CNTNAP2: variants seen among roughly 807,000 people sequenced by gnomAD.
The protein encoded by CNTNAP2 is contactin-associated protein-like 2.
Under a neutral mutation model 155.2 loss-of-function variants are expected in CNTNAP2, and 98 were observed. The observed-to-expected ratio is 0.63, with a 90% confidence interval of 0.54 to 0.75. CNTNAP2 has a LOEUF of 0.75. Ranked by LOEUF, CNTNAP2 falls within the 30% of genes least tolerant of loss-of-function variation. CNTNAP2 has a pLI of 0.00. For synonymous variants in CNTNAP2, 651 were observed against 631.2 expected, an observed-to-expected ratio of 1.03 and a Z score of -0.47; for missense variants, 1,727 against 1,688.1, an observed-to-expected ratio of 1.02 and a Z score of -0.40.
chr7:148,183,200 G>A (rs760709004), intron 18 of CNTNAP2, among the ~76,000 whole-genome samples: 1 of 152,172 alleles, frequency 6.6e-6, no homozygotes, highest in Non-Finnish European at 1.5e-5. Context: ...AGGGAAACAA[G>A]CCAGAAGGCC....
At chr7:148,122,706 T>C (rs1184452622) in intron 16 of CNTNAP2, among the ~76,000 whole-genome samples, 1 of 151,914 alleles carries the variant, frequency 6.6e-6, no homozygotes, top group Non-Finnish European at 1.5e-5. Flanking sequence ...CAACCAGCCA[T>C]GGGAGCCTCT....
intron 1 of CNTNAP2, among the ~76,000 whole-genome samples, chr7:146,587,047 A>G (rs1012539203): frequency 1.3e-5 from 2 of 149,486 alleles, no homozygotes; most frequent in Non-Finnish European, 3.0e-5. Context: ...TTTTTTTTTT[A>G]ACAAACTCAT....
chr7:147,905,333 C>T (rs963634602), intron 14 of CNTNAP2, among the ~76,000 whole-genome samples: 1 of 152,146 alleles, frequency 6.6e-6, no homozygotes, highest in African/African-American at 2.4e-5. Flanking sequence ...CCCAGAGTGC[C>T]CTGCCACCAT....
chr7:146,988,088 G>A (rs1015737237), intron 3 of CNTNAP2, among the ~76,000 whole-genome samples: 8 of 152,060 alleles, frequency 5.3e-5, no homozygotes, highest in East Asian at 3.9e-4. Flanking sequence ...TAATATTTTA[G>A]CAAATGAGTA....
At chr7:148,331,607 ATGGACGGATGGAGTCGATGGATGGAG>A (rs1798015807) in intron 21 of CNTNAP2, among the ~76,000 whole-genome samples, 1 of 147,100 alleles carries the variant, frequency 6.8e-6, no homozygotes, top group African/African-American at 2.5e-5. Context: ...GATGGATGGA[ATGGACGGATGGAGTCGATGGATGGAG>A]TGGATGGATG....
intron 1 of CNTNAP2, among the ~76,000 whole-genome samples, chr7:146,192,123 T>C (rs1798714540): frequency 6.6e-6 from 1 of 152,168 alleles, no homozygotes; most frequent in Admixed American, 6.5e-5. Context: ...GTCCATGAAA[T>C]CTTCACAATT....
intron 18 of CNTNAP2, among the ~76,000 whole-genome samples, chr7:148,202,753 A>G (rs1314931734): frequency 6.6e-6 from 1 of 152,196 alleles, no homozygotes; most frequent in Non-Finnish European, 1.5e-5. Context: ...CACGATGTTC[A>G]TTTCCCCAGA....
At chr7:148,027,325 A>T (rs551037417) in intron 15 of CNTNAP2, among the ~76,000 whole-genome samples, 3 of 152,246 alleles carry the variant, frequency 2.0e-5, no homozygotes, top group Admixed American at 2.0e-4. Context: ...AATAGAATCT[A>T]TGTAGCACTT....
intron 15 of CNTNAP2, among the ~76,000 whole-genome samples, chr7:148,059,995 T>C (rs185274394): frequency 2.1e-3 from 320 of 152,168 alleles, no homozygotes; most frequent in Middle Eastern, 0.01. Context: ...GAATAGTCAT[T>C]TTTCATGCAT....
chr7:148,337,487 C>T (rs1299386463), intron 21 of CNTNAP2, among the ~76,000 whole-genome samples: 4 of 152,208 alleles, frequency 2.6e-5, no homozygotes, highest in Admixed American at 6.5e-5. Context: ...CGATGTGAAA[C>T]GAGGTTTGGG....
chr7:147,012,719 A>C (rs995047895), intron 3 of CNTNAP2, among the ~76,000 whole-genome samples: 5 of 152,184 alleles, frequency 3.3e-5, no homozygotes, highest in African/African-American at 1.2e-4. Context: ...AGAAGTTGTC[A>C]TGCCAAAGCT....
At chr7:148,404,607 G>T (rs1208299368) in intron 22 of CNTNAP2, among the ~76,000 whole-genome samples, 2 of 152,176 alleles carry the variant, frequency 1.3e-5, no homozygotes, top group Admixed American at 6.5e-5. Flanking sequence ...CAGCATCTAG[G>T]GGTATGTTAC....
At chr7:146,939,759 C>T (rs1797007252) in intron 3 of CNTNAP2, among the ~76,000 whole-genome samples, 1 of 152,022 alleles carries the variant, frequency 6.6e-6, no homozygotes, top group African/African-American at 2.4e-5. Context: ...TCCTTTTGAG[C>T]AAAGACTTAG....
intron 15 of CNTNAP2, among the ~76,000 whole-genome samples, chr7:148,094,308 A>G (rs892618983): frequency 6.6e-6 from 1 of 152,258 alleles, no homozygotes; most frequent in African/African-American, 2.4e-5. Context: ...AATGACACAT[A>G]TTAAACATAG....
intron 2 of CNTNAP2, among the ~76,000 whole-genome samples, chr7:146,775,241 T>C (rs1184702302): frequency 1.3e-5 from 2 of 152,144 alleles, no homozygotes; most frequent in East Asian, 3.9e-4. Flanking sequence ...GGATATCTAT[T>C]GTGTAGCATG....
rs189086855 is a variant in CNTNAP2 at position 147,960,686 on chromosome 7, A to T, written c.2256-17176A>T. 1.6e-3 allele frequency among the ~76,000 whole-genome samples: 247 copies of T among 152,256 alleles called. 4 individuals are homozygous for T. The highest frequency in any genetic ancestry group is 0.014 in the Admixed American group (207 of 15,284). ...AACACAGGATGAGCTCAACATCCTAAGGTCCAGAGGAGAGTGGACGGTAGT... is the reference window on the plus strand; with the variant it reads ...AACACAGGATGAGCTCAACATCCTATGGTCCAGAGGAGAGTGGACGGTAGT... On this transcript the variant is annotated intron_variant, in intron 14 of 23. Coordinates refer to ENST00000361727, the MANE Select transcript of CNTNAP2 (RefSeq NM_014141.6).
intron 8 of CNTNAP2, among the ~76,000 whole-genome samples, chr7:147,246,004 CTT>C (rs1311605459): frequency 1.4e-5 from 2 of 139,530 alleles, no homozygotes; most frequent in Non-Finnish European, 3.0e-5. Flanking sequence ...TCTGTAAAAT[CTT>C]ATATATAAAT....
chr7:147,001,697 T>G (rs2129241125), intron 3 of CNTNAP2, among the ~76,000 whole-genome samples: 1 of 151,970 alleles, frequency 6.6e-6, no homozygotes, highest in African/African-American at 2.4e-5. Flanking sequence ...TCTAGAAATC[T>G]TACCACCCCA....
At chr7:147,365,249 C>G (rs78763070) in intron 9 of CNTNAP2, among the ~76,000 whole-genome samples, 3,527 of 151,738 alleles carry the variant, frequency 0.023, 140 homozygotes, top group African/African-American at 0.081. Context: ...ACTACAAATA[C>G]AGAAATTAGC....
Sources: gnomAD v4.1 joint callset for allele counts (sites outside exome capture counted in the v4.1 genomes callset) on GRCh38, gnomAD v4.1.1 for gene constraint, MANE v1.5 for transcripts, NCBI Gene and HGNC (gene_info 2026-07-23, HGNC 2026-07-21) for gene names.